Variants in DDX10 observed in about 807,000 individuals in gnomAD.
DDX10 encodes probable ATP-dependent RNA helicase DDX10.
DDX10 carries 74 observed loss-of-function variants against 104.3 expected under a neutral mutation model. That is an observed-to-expected ratio of 0.71 (90% CI 0.59 to 0.86). The LOEUF is 0.86. Ranked by LOEUF, DDX10 falls within the 40% of genes least tolerant of loss-of-function variation. The pLI, the probability that DDX10 is intolerant of heterozygous loss-of-function variation, is 0.00. For synonymous variants in DDX10, 351 were observed against 353.4 expected, an observed-to-expected ratio of 0.99 and a Z score of 0.08; for missense variants, 952 against 1,040.0, an observed-to-expected ratio of 0.92 and a Z score of 1.16.
At position 108,789,319 on chromosome 11, in the gene DDX10, T is replaced by A. The variant is rs114246923; in HGVS notation, c.1966-49127T>A. 1.2e-3 allele frequency among the ~76,000 whole-genome samples: 182 copies of A among 152,332 alleles called. 2 individuals are homozygous for A. Among genetic ancestry groups the A allele is most frequent in the African/African-American group, 4.2e-3 (176 of 41,576 alleles). On this transcript the variant is annotated intron_variant, in intron 13 of 17. Coordinates refer to ENST00000322536, the MANE Select transcript of DDX10 (RefSeq NM_004398.4). ...ACAAGTAGGAGATGTCGTCACCTAT[T>A]TGTTTCATTTTGGTTTTTGGAAATG... is the stretch of plus-strand genomic sequence containing the variant.
Position 108,668,319 on chromosome 11 carries a change from A to G in DDX10, c.186+2980A>G, listed in dbSNP as rs140098187. On this transcript the variant is annotated intron_variant, in intron 1 of 17. Transcript: ENST00000322536. The stretch of plus-strand genomic sequence containing the variant: ...TAGTCTGATACCAGTGCACCAAACC[A>G]GTAGGCTTTACTGCATTGCATTTAT... Among the ~76,000 whole-genome samples the G allele has an allele frequency of 3.3e-4, 51 of 152,376 alleles. 1 individual carries two copies. Among genetic ancestry groups the G allele is most frequent in the African/African-American group, 9.9e-4 (41 of 41,596 alleles).
chr11:108,783,823 C>G (rs531628683), intron 13 of DDX10, among the ~76,000 whole-genome samples: 1 of 152,136 alleles, frequency 6.6e-6, no homozygotes, highest in African/African-American at 2.4e-5. Flanking sequence ...TCCTCTCTCC[C>G]GCATTTAGTA....
intron 16 of DDX10, among the ~76,000 whole-genome samples, chr11:108,877,672 A>G (rs903918513): frequency 7.2e-5 from 11 of 152,356 alleles, no homozygotes; most frequent in East Asian, 5.8e-4. Flanking sequence ...TAAAAGATCT[A>G]TATTTCCTAA....
At chr11:108,782,704 C>A (rs575675239) in intron 13 of DDX10, among the ~76,000 whole-genome samples, 1 of 152,102 alleles carries the variant, frequency 6.6e-6, no homozygotes, top group African/African-American at 2.4e-5. Context: ...TTTGCAGTGT[C>A]TACCAAATGA....
intron 13 of DDX10, among the ~76,000 whole-genome samples, chr11:108,837,642 T>A (rs866572901): frequency 7.2e-4 from 84 of 116,302 alleles, no homozygotes; most frequent in African/African-American, 1.7e-3. Flanking sequence ...TTTTTTTTTT[T>A]AGGCAAAGCC....
intron 16 of DDX10, among the ~76,000 whole-genome samples, chr11:108,888,228 T>C (rs371719523): frequency 4.3e-4 from 65 of 152,334 alleles, no homozygotes; most frequent in African/African-American, 1.5e-3. Flanking sequence ...CCTCTCTGTA[T>C]TGAATGTCAA....
At chr11:108,891,167 G>T (rs942747572) in intron 16 of DDX10, among the ~76,000 whole-genome samples, 1 of 152,170 alleles carries the variant, frequency 6.6e-6, no homozygotes, top group Non-Finnish European at 1.5e-5. Context: ...TTTGGTGACA[G>T]GAATTATGTT....
At chr11:108,723,990 C>T (rs537703370) in intron 13 of DDX10, among the ~76,000 whole-genome samples, 61 of 152,142 alleles carry the variant, frequency 4.0e-4, no homozygotes, top group African/African-American at 1.4e-3. Flanking sequence ...TTTGTTTCTC[C>T]GTAGCCATCT....
At chr11:108,908,629 A>G (rs1863628366) in intron 16 of DDX10, among the ~76,000 whole-genome samples, 2 of 152,248 alleles carry the variant, frequency 1.3e-5, no homozygotes, top group South Asian at 4.1e-4. Context: ...CTAGGGCAAC[A>G]AATTAGGAAA....
chr11:108,675,917 C>T (rs1033527045), intron 3 of DDX10, 191 bp downstream of exon 3: 6 of 619,110 alleles, frequency 9.7e-6, no homozygotes, highest in Non-Finnish European at 1.6e-5. Context: ...TAGCACAGTG[C>T]CTTGCATGTG....
intron 16 of DDX10, among the ~76,000 whole-genome samples, chr11:108,892,094 C>T (rs1863383945): frequency 6.6e-6 from 1 of 152,116 alleles, no homozygotes; most frequent in Non-Finnish European, 1.5e-5. Context: ...TTTGACCCTT[C>T]AATCCTCATG....
At chr11:108,681,685 G>T (rs1477236221) in intron 6 of DDX10, among the ~76,000 whole-genome samples, 2 of 152,158 alleles carry the variant, frequency 1.3e-5, no homozygotes, top group Non-Finnish European at 2.9e-5. Context: ...TCATTATGTG[G>T]TTATATATAG....
intron 16 of DDX10, among the ~76,000 whole-genome samples, chr11:108,898,846 G>A (rs1323751437): frequency 1.3e-5 from 2 of 152,138 alleles, no homozygotes; most frequent in Non-Finnish European, 2.9e-5. Flanking sequence ...TGTCAAAAGA[G>A]TAGGGGCAAA....
intron 13 of DDX10, among the ~76,000 whole-genome samples, chr11:108,798,409 C>T (rs1861975192): frequency 6.6e-6 from 1 of 152,174 alleles, no homozygotes; most frequent in African/African-American, 2.4e-5. Context: ...TCTTGCAAAA[C>T]TGCAACTCTA....
chr11:108,818,563 G>A (rs1862284890), intron 13 of DDX10, among the ~76,000 whole-genome samples: 1 of 152,182 alleles, frequency 6.6e-6, no homozygotes, highest in Non-Finnish European at 1.5e-5. Context: ...GATTGAAGTT[G>A]AATGTATTCA....
At chr11:108,816,080 A>C (rs535377334) in intron 13 of DDX10, among the ~76,000 whole-genome samples, 1 of 151,082 alleles carries the variant, frequency 6.6e-6, no homozygotes, top group South Asian at 2.1e-4. Flanking sequence ...CTCTTCCCTT[A>C]GCTTTTGGCA....
intron 16 of DDX10, among the ~76,000 whole-genome samples, chr11:108,887,611 A>G (rs1056740838): frequency 2.0e-5 from 3 of 151,400 alleles, no homozygotes; most frequent in Admixed American, 6.6e-5. Flanking sequence ...CAGAAACACC[A>G]CTGGTTAGAA....
intron 16 of DDX10, among the ~76,000 whole-genome samples, chr11:108,857,713 C>T (rs1862889227): frequency 6.6e-6 from 1 of 152,222 alleles, no homozygotes; most frequent in African/African-American, 2.4e-5. Context: ...TTCCCAATAA[C>T]ATACAGCTAG....
At chr11:108,791,282 G>A (rs1861867544) in intron 13 of DDX10, among the ~76,000 whole-genome samples, 1 of 152,230 alleles carries the variant, frequency 6.6e-6, no homozygotes, top group Admixed American at 6.5e-5. Context: ...TGGGTGATCT[G>A]AGAAGTGGAT....
Sources: gnomAD v4.1 joint callset for allele counts (sites outside exome capture counted in the v4.1 genomes callset) on GRCh38, gnomAD v4.1.1 for gene constraint, MANE v1.5 for transcripts, NCBI Gene and HGNC (gene_info 2026-07-23, HGNC 2026-07-21) for gene names.